Variants in FOXN3 observed in about 807,000 individuals in gnomAD.
The protein encoded by FOXN3 is forkhead box protein N3.
In FOXN3, 7 loss-of-function variants were observed where a neutral mutation model predicts 38.4. The observed-to-expected ratio is 0.18, with a 90% CI of 0.10 to 0.34. The LOEUF (loss-of-function observed/expected upper bound fraction) is 0.34. Among genes scored for constraint, FOXN3 ranks in the 10% least tolerant of loss-of-function variants. The pLI is 1.00. For missense variants in FOXN3, 456 were observed against 613.4 expected, an observed-to-expected ratio of 0.74 and a Z score of 2.71; for synonymous variants, 230 against 242.2, an observed-to-expected ratio of 0.95 and a Z score of 0.47.
chr14:89,187,329 C>A (rs578116308), intron 4 of FOXN3, among the ~76,000 whole-genome samples: 3 of 152,192 alleles, frequency 2.0e-5, no homozygotes. Flanking sequence ...GCAGGCTCTG[C>A]GCAGACAGGA....
At chr14:89,324,844 A>G (rs1888001230) in intron 3 of FOXN3, among the ~76,000 whole-genome samples, 1 of 152,104 alleles carries the variant, frequency 6.6e-6, no homozygotes, top group Non-Finnish European at 1.5e-5. Context: ...TTCTTAAACC[A>G]CCTGGAGATT....
intron 1 of FOXN3, among the ~76,000 whole-genome samples, chr14:89,471,442 GT>G (rs1893093006): frequency 6.6e-6 from 1 of 152,168 alleles, no homozygotes; most frequent in African/African-American, 2.4e-5. Flanking sequence ...TATGTCTACA[GT>G]TTTTTTATAT....
chr14:89,348,703 C>T (rs1220930636), intron 3 of FOXN3, among the ~76,000 whole-genome samples: 1 of 151,928 alleles, frequency 6.6e-6, no homozygotes, highest in African/African-American at 2.4e-5. Flanking sequence ...CTGGAGGTGA[C>T]GGAGTGGGGT....
At chr14:89,494,800 C>G (rs574106064) in intron 1 of FOXN3, among the ~76,000 whole-genome samples, 22 of 152,362 alleles carry the variant, frequency 1.4e-4, no homozygotes, top group African/African-American at 5.3e-4. Flanking sequence ...AGGGATTCAT[C>G]TGTCCCCACT....
chr14:89,478,815 C>T (rs1352497464), intron 1 of FOXN3, among the ~76,000 whole-genome samples: 1 of 150,568 alleles, frequency 6.6e-6, no homozygotes, highest in Non-Finnish European at 1.5e-5. Flanking sequence ...GCCTGTAATC[C>T]CAGCTACTCT....
At chr14:89,312,799 G>A (rs902626486) in intron 3 of FOXN3, among the ~76,000 whole-genome samples, 4 of 152,060 alleles carry the variant, frequency 2.6e-5, no homozygotes, top group African/African-American at 9.7e-5. Context: ...ATAGCACCAG[G>A]CCTAAAGACA....
chr14:89,540,767 A>C (rs1482201079), intron 1 of FOXN3, among the ~76,000 whole-genome samples: 4 of 151,808 alleles, frequency 2.6e-5, no homozygotes, highest in Non-Finnish European at 1.5e-5. Context: ...AAAATGAACG[A>C]GTTATATGCC....
chr14:89,404,257 C>A (rs1215591165), intron 2 of FOXN3, among the ~76,000 whole-genome samples: 1 of 151,608 alleles, frequency 6.6e-6, no homozygotes, highest in Non-Finnish European at 1.5e-5. Context: ...CGGCTGTAAT[C>A]TCAGCACTTT....
chr14:89,457,632 C>G (rs980298751), intron 1 of FOXN3, among the ~76,000 whole-genome samples: 1 of 152,166 alleles, frequency 6.6e-6, no homozygotes, highest in Non-Finnish European at 1.5e-5. Context: ...CTGCAGAAAC[C>G]CTACCCAGAG....
At chr14:89,246,542 C>CTTTTTTT (rs755916666) in intron 4 of FOXN3, among the ~76,000 whole-genome samples, 31,733 of 83,346 alleles carry the variant, frequency 0.38, 8,871 homozygotes, top group South Asian at 0.48. Context: ...CAGGATGCGG[C>CTTTTTTT]TTTTTTTTTT....
rs59105357 is a variant in FOXN3 at position 89,377,020 on chromosome 14, C to CAAAAAAAAA, written c.544-26221_544-26213dup. On this transcript the variant is annotated intron_variant, in intron 2 of 5. Transcript: ENST00000557258. ...TGAGCAAAAGATCAAGACTCTGTCTCAAAAAAAAAAAAAAAAAAAAAAAAA... is the reference window on the plus strand; with the variant it reads ...TGAGCAAAAGATCAAGACTCTGTCTCAAAAAAAAAAAAAAAAAAAAAAAAAAAAAAAAAA... Among the ~76,000 whole-genome samples, 297 of 42,772 alleles carry CAAAAAAAAA rather than the reference C, an allele frequency of 6.9e-3. 45 individuals are homozygous for CAAAAAAAAA. Among genetic ancestry groups the CAAAAAAAAA allele is most frequent in the Middle Eastern group, 0.015 (1 of 68 alleles). The allele number at this position is 42,772 out of a possible 152,430, so 28.1% of individuals were successfully genotyped here.
intron 2 of FOXN3, among the ~76,000 whole-genome samples, chr14:89,370,524 A>G (rs1329078166): frequency 6.6e-6 from 1 of 152,234 alleles, no homozygotes; most frequent in African/African-American, 2.4e-5. Flanking sequence ...AAACTCATGC[A>G]CATCTGTGCC....
upstream of FOXN3, among the ~76,000 whole-genome samples, chr14:89,421,709 A>G (rs1396564351): frequency 1.4e-5 from 2 of 141,110 alleles, no homozygotes; most frequent in African/African-American, 2.6e-5. Context: ...GTATTTTTTT[A>G]GTAGAGACGG....
At chr14:89,217,666 T>C (rs1242071354) in intron 4 of FOXN3, among the ~76,000 whole-genome samples, 1 of 152,254 alleles carries the variant, frequency 6.6e-6, no homozygotes, top group Non-Finnish European at 1.5e-5. Context: ...AATTACATCT[T>C]CTTTAAAAGC....
intron 1 of FOXN3, among the ~76,000 whole-genome samples, chr14:89,456,438 C>A (rs1023512144): frequency 1.3e-5 from 2 of 152,090 alleles, no homozygotes; most frequent in Non-Finnish European, 2.9e-5. Context: ...ATAGTAGGTG[C>A]CCAATAAGTA....
chr14:89,230,823 A>C (rs1269627540), intron 4 of FOXN3: 4 of 455,178 alleles, frequency 8.8e-6, no homozygotes, highest in Non-Finnish European at 1.8e-5. Context: ...CCCTCCTTAC[A>C]GTGTTCAGCC....
intron 1 of FOXN3, among the ~76,000 whole-genome samples, chr14:89,451,875 C>T (rs1174329813): frequency 6.6e-6 from 1 of 152,036 alleles, no homozygotes; most frequent in Admixed American, 6.6e-5. Context: ...TGCAGTGTTT[C>T]CGGAATCATA....
At chr14:89,463,273 C>CAAA (rs112265879) in intron 1 of FOXN3, among the ~76,000 whole-genome samples, 1 of 144,330 alleles carries the variant, frequency 6.9e-6, no homozygotes, top group Non-Finnish European at 1.5e-5. Context: ...GGCTCTGTCT[C>CAAA]AAAAAAAAAA....
chr14:89,242,172 T>A (rs1885159100), intron 4 of FOXN3, among the ~76,000 whole-genome samples: 1 of 152,138 alleles, frequency 6.6e-6, no homozygotes, highest in African/African-American at 2.4e-5. Flanking sequence ...ACACAGAAAG[T>A]GACAGAGAGA....
Sources: allele counts gnomAD v4.1 joint callset (sites outside exome capture counted in the v4.1 genomes callset), GRCh38; gene constraint gnomAD v4.1.1; transcripts MANE v1.5; gene names NCBI Gene and HGNC (gene_info 2026-07-23, HGNC 2026-07-21).